Variants in CDH16 observed in about 807,000 individuals in gnomAD.
CDH16 encodes cadherin 16.
Under a neutral mutation model 87.6 loss-of-function variants are expected in CDH16, and 79 were observed. The ratio of observed to expected loss-of-function variants is 0.90; its 90% CI spans 0.75 to 1.09. CDH16 has a LOEUF of 1.09. CDH16 is among the 50% of genes least tolerant of loss of function. CDH16 has a pLI of 0.00. For synonymous variants in CDH16, 457 were observed against 439.5 expected, an observed-to-expected ratio of 1.04 and a Z score of -0.50; for missense variants, 1,124 against 1,071.7, an observed-to-expected ratio of 1.05 and a Z score of -0.68.
chr16:66,913,856 C>G (rs1474283195), intron 7 of CDH16, among the ~76,000 whole-genome samples: 2 of 152,172 alleles, frequency 1.3e-5, no homozygotes, highest in African/African-American at 4.8e-5. Context: ...ATTTTCTGCC[C>G]TCTCAGCCTG....
intron 15 of CDH16, 53 bp from the exon 16 acceptor site, chr16:66,910,146 G>T: frequency 3.8e-6 from 6 of 1,571,512 alleles, no homozygotes; most frequent in Non-Finnish European, 5.2e-6. Flanking sequence ...AGGCCCTCTG[G>T]GGGCTGCTCC....
chr16:66,918,015 G>C lies in CDH16; in HGVS notation c.45+6C>G, dbSNP rs768914999. 6.3e-7 allele frequency: 1 copy of C among 1,575,860 alleles called. No individual in the cohort carries two copies. Among genetic ancestry groups the C allele is most frequent in the Non-Finnish European group, 8.6e-7 (1 of 1,160,344 alleles). On this transcript the variant is annotated splice_donor_region_variant and intron_variant, in intron 2 of 17. Transcript: ENST00000299752. ...CCTGAAGGAGAGGGGGCAGGGCCTAGCTCACCTGGGGGACGGAGACACAAA... is the reference window on the plus strand; with the variant it reads ...CCTGAAGGAGAGGGGGCAGGGCCTACCTCACCTGGGGGACGGAGACACAAA...
chr16:66,911,413 C>A (rs1477702910), intron 13 of CDH16, 98 bp from the exon 14 acceptor site: 88 of 1,241,022 alleles, frequency 7.1e-5, no homozygotes, highest in Non-Finnish European at 9.5e-5. Context: ...ATTCCACACC[C>A]TCTCTGTGAC....
chr16:66,911,237 C>CA lies in CDH16; in HGVS notation c.1868dup (p.Gln624AlafsTer20), dbSNP rs771744221. Reference sequence around the variant, plus strand: ...AGGTGTCCCCAGGCTGGGCGCCCTGCAGGGACTGGGCGGTGTGCACCTCCC... The same window carrying CA: ...AGGTGTCCCCAGGCTGGGCGCCCTGCAAGGGACTGGGCGGTGTGCACCTCCC... On this transcript the variant is annotated frameshift_variant, in exon 14 of 18. Coordinates refer to ENST00000299752, the MANE Select transcript of CDH16 (RefSeq NM_004062.4). LOFTEE classifies it high-confidence loss of function. 5.6e-6 allele frequency: 9 copies of CA among 1,613,530 alleles called. No homozygotes were observed. The African/African-American group carries it at 1.1e-4, about 19-fold the overall frequency.
chr16:66,910,909 T>A (rs1962384549), intron 14 of CDH16: 1 of 432,024 alleles, frequency 2.3e-6, no homozygotes. Context: ...GCTGACACCC[T>A]GAGAGGCCCT....
In CDH16 at chr16:66,914,873, T is replaced by G. The variant is rs189553334; in HGVS notation, c.583+347A>C. The stretch of plus-strand genomic sequence containing the variant: ...GATTCACTTTTCTTTCCAACCCTAG[T>G]TCATGCCTCTGGTCTGAGCTTCCAG... On this transcript the variant is annotated intron_variant, in intron 6 of 17. Transcript: ENST00000299752. Among the ~76,000 whole-genome samples the G allele has an allele frequency of 9.2e-5, 14 of 152,252 alleles. No homozygotes were observed. The East Asian group carries it at 1.4e-3, about 15-fold the overall frequency.
At chr16:66,914,437 G>A in intron 6 of CDH16, 25 bp from the exon 7 acceptor site, 1 of 1,588,350 alleles carries the variant, frequency 6.3e-7, no homozygotes, top group Non-Finnish European at 8.6e-7. Flanking sequence ...ATGGTCAGCT[G>A]AGCAGGCAGC....
In CDH16 at chr16:66,914,232, G is replaced by C; in HGVS notation, c.764C>G (p.Pro255Arg). ...HLAENLKVLY[P>R]HHMAQVHWSG... The stretch of plus-strand genomic sequence containing the variant: ...CTTACTCACCTGGGCCATGTGGTGC[G>C]GGTATAGGACTTTGAGATTCTCTGC... Residue 255 changes from proline to arginine, a missense_variant, in exon 7 of 18, where the codon CCG becomes CGG. Pro to Arg is a moderately radical substitution (Grantham distance 103). Transcript: ENST00000299752. The C allele has an allele frequency of 1.2e-6, 2 of 1,613,758 alleles. No homozygotes were observed. The highest frequency in any genetic ancestry group is 1.7e-6 in the Non-Finnish European group (2 of 1,179,668).
At chr16:66,914,624 C>A (rs1050240004) in intron 6 of CDH16, among the ~76,000 whole-genome samples, 1 of 152,194 alleles carries the variant, frequency 6.6e-6, no homozygotes, top group African/African-American at 2.4e-5. Flanking sequence ...CTCCACACAA[C>A]GAATGCGTGA....
chr16:66,918,539 G>T (rs1962792157), intron 1 of CDH16, among the ~76,000 whole-genome samples: 1 of 152,236 alleles, frequency 6.6e-6, no homozygotes, highest in African/African-American at 2.4e-5. Context: ...AGTCCTCCTA[G>T]CTCAGGGCCT....
intron 17 of CDH16, 80 bp from the exon 18 acceptor site, chr16:66,908,569 G>T: frequency 2.7e-6 from 3 of 1,099,146 alleles, no homozygotes; most frequent in Non-Finnish European, 4.2e-6. Context: ...CCTGTGATTG[G>T]CATTGGATTA....
rs764942295 is a variant in CDH16 at position 66,908,345 on chromosome 16, C to A, written c.*47G>T. The stretch of plus-strand genomic sequence containing the variant: ...GTGCTGGGCTCTCTCCCAGGGGACT[C>A]AGATGGAGCCAGAGGCCAAGCTCCC... On this transcript the variant is annotated 3_prime_UTR_variant, in exon 18 of 18. Coordinates refer to ENST00000299752, the MANE Select transcript of CDH16 (RefSeq NM_004062.4). 1.3e-6 allele frequency: 2 copies of A among 1,492,894 alleles called. No homozygotes were observed. The highest frequency in any genetic ancestry group is 4.5e-5 in the East Asian group (2 of 44,338). 92.5% of individuals were successfully genotyped at this position (1,492,894 alleles called of 1,614,324 possible).
At chr16:66,913,753 G>T in intron 7 of CDH16, 140 bp from the exon 8 acceptor site, 4 of 1,127,420 alleles carry the variant, frequency 3.5e-6, no homozygotes, top group South Asian at 3.1e-5. Context: ...GAGTCCAGGT[G>T]GGATCCTTCT....
chr16:66,911,923 G>C lies in CDH16; in HGVS notation c.1766C>G (p.Ser589Cys). Residue 589 changes from serine (S) to cysteine (C), a missense_variant, in exon 13 of 18, where the codon TCC (serine) becomes TGC (cysteine). Physicochemically the swap from Ser to Cys is moderately radical, Grantham distance 112. Coordinates refer to ENST00000299752, the MANE Select transcript of CDH16 (RefSeq NM_004062.4). ...AGSFLLTIQP[S>C]DPISRTLRFS... is the part of the protein sequence containing the mutation. ...CCTGAGGGTTCGGCTGATGGGGTCG[G>C]AGGGCTGGATGGTCAGCAGGAAAGA... 1 of 1,609,206 alleles carries C rather than the reference G, an allele frequency of 6.2e-7. No individual in the cohort carries two copies. The highest frequency in any genetic ancestry group is 1.1e-5 in the South Asian group (1 of 90,638).
Position 66,910,486 on chromosome 16 carries a change from G to T in CDH16, c.1941C>A (p.Ser647Arg), listed in dbSNP as rs528580869. The T allele has an allele frequency of 2.6e-6, 4 of 1,537,752 alleles. No individual in the cohort carries two copies. The highest frequency in any genetic ancestry group is 1.4e-5 in the African/African-American group (1 of 73,034). Residue 647 changes from serine (S) to arginine (R), a missense_variant, in exon 15 of 18, where the codon AGC becomes AGA. Ser to Arg is a moderately radical substitution (Grantham distance 110). Transcript: ENST00000299752. Reference protein sequence around the residue: ...EAQDTDEPRLSASAPLVIHFL... With the variant: ...EAQDTDEPRLRASAPLVIHFL... ...AGTGGATCACCAGGGGTGCAGAAGCGCTCAGTCTCGGCTCATCTGCAGAGG... is the reference window on the plus strand; with the variant it reads ...AGTGGATCACCAGGGGTGCAGAAGCTCTCAGTCTCGGCTCATCTGCAGAGG...
chr16:66,917,131 CAAAAAAAAA>C (rs57115386), intron 3 of CDH16, among the ~76,000 whole-genome samples: 1 of 108,256 alleles, frequency 9.2e-6, no homozygotes, highest in Non-Finnish European at 2.1e-5. Flanking sequence ...ACTAAAAATA[CAAAAAAAAA>C]AAAAAAAAAT....
Position 66,909,431 on chromosome 16 carries a change from C to T in CDH16, c.2276-48G>A, listed in dbSNP as rs1962310356. 3 of 1,243,302 alleles carry T rather than the reference C, an allele frequency of 2.4e-6. No homozygotes were observed. In the African/African-American group the frequency reaches 4.4e-5, roughly 18 times the overall value. The allele number at this position is 1,243,302 out of a possible 1,614,324, so 77.0% of individuals were successfully genotyped here. Reference sequence around the variant, plus strand: ...TAAGGGGAGGGAGGGGAGGGCTCCCCAGCTGCTCAGAGCCCCCAGCCCAGC... The same window carrying T: ...TAAGGGGAGGGAGGGGAGGGCTCCCTAGCTGCTCAGAGCCCCCAGCCCAGC... On this transcript the variant is annotated intron_variant, in intron 16 of 17. Transcript: ENST00000299752. The surrounding 1 kb of genome is among the most constrained non-coding windows in gnomAD (Gnocchi z 4.1).
In CDH16 at chr16:66,909,961, A is replaced by T; in HGVS notation, c.2275+25T>A. On this transcript the variant is annotated intron_variant, in intron 16 of 17. Transcript: ENST00000299752. The surrounding 1 kb of genome is among the most constrained non-coding windows in gnomAD (Gnocchi z 4.1). ...TCCCAGCGGTTCCCTCAGGAACTGC[A>T]GGCTGCACCCAAGCCCAATCTCACC... 2.6e-6 allele frequency: 4 copies of T among 1,539,310 alleles called. No individual in the cohort carries two copies. Among genetic ancestry groups the T allele is most frequent in the Non-Finnish European group, 3.5e-6 (4 of 1,127,974 alleles).
rs999760800 is a variant in CDH16 at position 66,916,681 on chromosome 16, T to C, written c.130-252A>G. On this transcript the variant is annotated intron_variant, in intron 3 of 17. Coordinates refer to ENST00000299752, the MANE Select transcript of CDH16 (RefSeq NM_004062.4). The surrounding 1 kb of genome is among the most constrained non-coding windows in gnomAD (Gnocchi z 4.1). ...AAACCTCACCACCGAGATTTCGTTCTTTAATCTAAAGCTCTGCTCTCCACT... is the reference window on the plus strand; with the variant it reads ...AAACCTCACCACCGAGATTTCGTTCCTTAATCTAAAGCTCTGCTCTCCACT... 2.0e-5 allele frequency among the ~76,000 whole-genome samples: 3 copies of C among 152,230 alleles called. No homozygotes were observed. The highest frequency in any genetic ancestry group is 7.2e-5 in the African/African-American group (3 of 41,472).
Sources: gnomAD v4.1 joint callset for allele counts (sites outside exome capture counted in the v4.1 genomes callset) on GRCh38, gnomAD v4.1.1 for gene constraint, Gnocchi (gnomAD v3.1) non-coding constraint, MANE v1.5 for transcripts, NCBI Gene and HGNC (gene_info 2026-07-23, HGNC 2026-07-21) for gene names.